CFHR2: variants seen among roughly 807,000 people sequenced by gnomAD.
CFHR2 encodes complement factor H related 2.
In CFHR2, 22 loss-of-function variants were observed where a neutral mutation model predicts 21.7. That is an observed-to-expected ratio of 1.01 (90% confidence interval 0.72 to 1.45). The LOEUF (loss-of-function observed/expected upper bound fraction) is 1.45. Ranked by LOEUF, CFHR2 falls within the 40% of genes most tolerant of loss-of-function variation. The pLI is 0.00. For missense variants in CFHR2, 294 were observed against 293.3 expected (o/e 1.00, Z -0.02); for synonymous variants, 98 against 97.4 (o/e 1.01, Z -0.04).
chr1:196,944,589 A>G (rs990254412), intron 1 of CFHR2, among the ~76,000 whole-genome samples: 9 of 151,920 alleles, frequency 5.9e-5, no homozygotes, highest in Admixed American at 6.6e-5. Context: ...TTCATGTTGA[A>G]ATTAAGGCCA....
chr1:196,949,379 G>A, intron 1 of CFHR2, 76 bp from the exon 2 acceptor site: 6 of 1,389,434 alleles, frequency 4.3e-6, no homozygotes, highest in Non-Finnish European at 5.9e-6. Context: ...AACTAAATGA[G>A]ATGATTAAAA....
intron 1 of CFHR2, among the ~76,000 whole-genome samples, chr1:196,947,752 A>G (rs1180753327): frequency 6.6e-6 from 1 of 152,206 alleles, no homozygotes; most frequent in Non-Finnish European, 1.5e-5. Flanking sequence ...AACAAAGAGC[A>G]GTAATATATG....
intron 1 of CFHR2, among the ~76,000 whole-genome samples, chr1:196,948,867 C>T (rs1003812248): frequency 6.6e-6 from 1 of 152,046 alleles, no homozygotes; most frequent in Non-Finnish European, 1.5e-5. Flanking sequence ...CTAACTTTAT[C>T]TTGAGTTGTT....
At chr1:196,952,187 G>A (rs937590987) in intron 3 of CFHR2, among the ~76,000 whole-genome samples, 2 of 152,106 alleles carry the variant, frequency 1.3e-5, no homozygotes, top group Non-Finnish European at 1.5e-5. Context: ...GAAGTAGGAG[G>A]ATCACTTGAG....
Position 196,950,895 on chromosome 1 carries a change from T to C in CFHR2, c.297T>C (p.Ser99=), listed in dbSNP as rs1477428536. The stretch of plus-strand genomic sequence containing the variant: ...TTGTGGAAAATGGTCATTCTGAATC[T>C]TCAGGACAAACACATCTGGAAGGTG... ...FPFVENGHSE[S]SGQTHLEGDT... Residue 99 remains serine (S), a synonymous_variant, in exon 3 of 5, where the codon TCT becomes TCC. Transcript: ENST00000367415. 1 of 1,613,956 alleles carries C rather than the reference T, an allele frequency of 6.2e-7. No individual in the cohort carries two copies. Among genetic ancestry groups the C allele is most frequent in the East Asian group, 2.2e-5 (1 of 44,876 alleles).
chr1:196,953,307 G>C (rs1193681769), intron 3 of CFHR2, among the ~76,000 whole-genome samples: 1 of 151,890 alleles, frequency 6.6e-6, no homozygotes, highest in Non-Finnish European at 1.5e-5. Context: ...TTTTGAGACA[G>C]AGTCTCACTG....
intron 3 of CFHR2, among the ~76,000 whole-genome samples, chr1:196,951,652 T>G (rs1013856545): frequency 1.3e-5 from 2 of 152,120 alleles, no homozygotes; most frequent in Non-Finnish European, 2.9e-5. Context: ...TTCCGTCCTA[T>G]GCTTGCACAG....
rs1299130535 is a variant in CFHR2 at position 196,959,400 on chromosome 1, T to A, written c.*320T>A. On this transcript the variant is annotated 3_prime_UTR_variant, in exon 5 of 5. Coordinates refer to ENST00000367415, the MANE Select transcript of CFHR2 (RefSeq NM_005666.4). ...ATGGTCAGTTAGGGTAATTAGTATA[T>A]CCATTATCTCAAACATTTTTCATTT... Among the ~76,000 whole-genome samples the A allele has an allele frequency of 6.6e-6, 1 of 152,030 alleles. No homozygotes were observed. Among genetic ancestry groups the A allele is most frequent in the Non-Finnish European group, 1.5e-5 (1 of 67,938 alleles).
rs199897527 is a variant in CFHR2 at position 196,958,933 on chromosome 1, G to A, written c.666G>A (p.Lys222=). The change falls in exon 5 of 5, where the codon AAG becomes AAA. Residue 222 remains lysine (K), a synonymous_variant. Coordinates refer to ENST00000367415, the MANE Select transcript of CFHR2 (RefSeq NM_005666.4). ...TGGAAAAATATAACATAAAATTAAA[G>A]TGGACAAACCAACAAAAGCTTTATT... ...EIMEKYNIKL[K]WTNQQKLYSR... is the part of the protein sequence containing the mutation. The A allele has an allele frequency of 1.4e-5, 23 of 1,602,754 alleles. No individual in the cohort carries two copies. Among genetic ancestry groups the A allele is most frequent in the Non-Finnish European group, 1.7e-5 (20 of 1,170,798 alleles).
chr1:196,958,941 A>C lies in CFHR2; in HGVS notation c.674A>C (p.Asn225Thr), dbSNP rs1653010354. 1 of 1,605,398 alleles carries C rather than the reference A, an allele frequency of 6.2e-7. No homozygotes were observed. Among genetic ancestry groups the C allele is most frequent in the African/African-American group, 1.3e-5 (1 of 74,724 alleles). Residue 225 changes from asparagine (N) to threonine (T), a missense_variant, in exon 5 of 5, where the codon AAC becomes ACC. Coordinates refer to ENST00000367415, the MANE Select transcript of CFHR2 (RefSeq NM_005666.4). ...TATAACATAAAATTAAAGTGGACAA[A>C]CCAACAAAAGCTTTATTCAAGAACA... Reference protein sequence around the residue: ...EKYNIKLKWTNQQKLYSRTGD... With the variant: ...EKYNIKLKWTTQQKLYSRTGD...
chr1:196,946,823 G>A (rs935019501), intron 1 of CFHR2, among the ~76,000 whole-genome samples: 9 of 152,144 alleles, frequency 5.9e-5, no homozygotes, highest in African/African-American at 2.2e-4. Context: ...ATAAAATACT[G>A]ATAACAATTA....
chr1:196,944,617 C>A (rs1424672547), intron 1 of CFHR2, among the ~76,000 whole-genome samples: 1 of 151,858 alleles, frequency 6.6e-6, no homozygotes, highest in African/African-American at 2.4e-5. Context: ...AAAGGAATTG[C>A]AAACAAAATC....
chr1:196,953,323 C>T (rs1054817477), intron 3 of CFHR2, among the ~76,000 whole-genome samples: 2 of 151,996 alleles, frequency 1.3e-5, no homozygotes, highest in African/African-American at 4.8e-5. Flanking sequence ...CACTGTGTTG[C>T]CCAGGCTGGA....
In CFHR2 at chr1:196,958,945, A is replaced by G. The variant is rs1413697889; in HGVS notation, c.678A>G (p.Gln226=). The G allele has an allele frequency of 6.2e-6, 10 of 1,606,444 alleles. No individual in the cohort carries two copies. The highest frequency in any genetic ancestry group is 8.5e-6 in the Non-Finnish European group (10 of 1,173,604). Residue 226 remains glutamine, a synonymous_variant, in exon 5 of 5, where the codon CAA becomes CAG. Transcript: ENST00000367415. ...KYNIKLKWTN[Q]QKLYSRTGDI... ...ACATAAAATTAAAGTGGACAAACCAACAAAAGCTTTATTCAAGAACAGGTG... is the reference window on the plus strand; with the variant it reads ...ACATAAAATTAAAGTGGACAAACCAGCAAAAGCTTTATTCAAGAACAGGTG...
At position 196,957,956 on chromosome 1, in the gene CFHR2, T is replaced by C. The variant is rs199784295; in HGVS notation, c.496T>C (p.Ser166Pro). Residue 166 changes from serine (S) to proline (P), a missense_variant, in exon 4 of 5, where the codon TCA becomes CCA. Ser to Pro is a moderately conservative substitution (Grantham distance 74). Transcript: ENST00000367415. The part of the protein sequence containing the change: ...DNGDITSFLL[S>P]VYAPGSSVEY... ...TGGAGACATTACTTCATTCCTGTTG[T>C]CAGTATATGCTCCAGGTTCATCAGT... The C allele has an allele frequency of 4.6e-5, 74 of 1,613,638 alleles. No individual in the cohort carries two copies. Among genetic ancestry groups the C allele is most frequent in the Non-Finnish European group, 5.7e-5 (67 of 1,179,742 alleles).
At chr1:196,947,823 A>G (rs1039682579) in intron 1 of CFHR2, among the ~76,000 whole-genome samples, 14 of 104,186 alleles carry the variant, frequency 1.3e-4, no homozygotes, top group African/African-American at 3.8e-4. Flanking sequence ...CATGGAATGT[A>G]CAACATCAAG....
At chr1:196,948,603 A>G (rs1343998183) in intron 1 of CFHR2, among the ~76,000 whole-genome samples, 1 of 152,136 alleles carries the variant, frequency 6.6e-6, no homozygotes, top group Non-Finnish European at 1.5e-5. Flanking sequence ...GAATCTCTAG[A>G]TTATTTATAA....
chr1:196,944,752 C>A (rs574153620), intron 1 of CFHR2, among the ~76,000 whole-genome samples: 1 of 151,822 alleles, frequency 6.6e-6, no homozygotes, highest in Non-Finnish European at 1.5e-5. Context: ...TGTTTCCAGA[C>A]CTTTGAACTT....
intron 4 of CFHR2, 39 bp from the exon 5 acceptor site, chr1:196,958,842 A>G (rs1168752915): frequency 1.5e-6 from 2 of 1,310,056 alleles, no homozygotes; most frequent in Admixed American, 1.8e-5. Context: ...AGATTTGCAT[A>G]CTACTTAATG....
Sources: gnomAD v4.1 joint callset for allele counts (sites outside exome capture counted in the v4.1 genomes callset) on GRCh38, gnomAD v4.1.1 for gene constraint, MANE v1.5 for transcripts, NCBI Gene and HGNC (gene_info 2026-07-23, HGNC 2026-07-21) for gene names.